WWOX: variants seen among roughly 807,000 people sequenced by gnomAD.
The protein encoded by WWOX is WW domain containing oxidoreductase.
Under a neutral mutation model 46.2 loss-of-function variants are expected in WWOX, and 69 were observed. The observed-to-expected ratio is 1.49, with a 90% CI of 1.23 to 1.82. WWOX has a LOEUF of 1.82. Ranked by LOEUF, WWOX falls within the 40% of genes most tolerant of loss-of-function variation. The pLI is 0.00. For missense variants in WWOX, 919 were observed against 542.6 expected (o/e 1.69, Z -6.89); for synonymous variants, 359 against 202.6 (o/e 1.77, Z -6.56).
chr16:78,855,388 A>G (rs941281206), intron 8 of WWOX, among the ~76,000 whole-genome samples: 7 of 150,626 alleles, frequency 4.6e-5, no homozygotes, highest in South Asian at 4.2e-4. Flanking sequence ...TGCGGGGAGG[A>G]AAAAAAAACA....
intron 8 of WWOX, among the ~76,000 whole-genome samples, chr16:78,652,324 A>G (rs12925312): frequency 6.7e-6 from 1 of 149,012 alleles, no homozygotes; most frequent in Non-Finnish European, 1.5e-5. Flanking sequence ...CAGGAGAATC[A>G]CTTGAACCCG....
At chr16:79,175,063 T>G (rs2050773895) in intron 8 of WWOX, among the ~76,000 whole-genome samples, 1 of 152,216 alleles carries the variant, frequency 6.6e-6, no homozygotes, top group African/African-American at 2.4e-5. Flanking sequence ...TCTCTGCCAG[T>G]ACAACCACAT....
chr16:78,138,656 CACACTG>C, intron 4 of WWOX, among the ~76,000 whole-genome samples: 1 of 152,300 alleles, frequency 6.6e-6, no homozygotes, highest in South Asian at 2.1e-4. Context: ...GGTCATAAAA[CACACTG>C]GGGACAGCCC....
chr16:78,675,319 G>A lies in WWOX; in HGVS notation c.1056+242567G>A, dbSNP rs573530103. Among the ~76,000 whole-genome samples, 12 of 152,246 alleles carry A rather than the reference G, an allele frequency of 7.9e-5. No individual in the cohort carries two copies. The South Asian group carries it at 2.3e-3, about 29-fold the overall frequency. On this transcript the variant is annotated intron_variant, in intron 8 of 8. Coordinates refer to ENST00000566780, the MANE Select transcript of WWOX (RefSeq NM_016373.4). ...ATTGAGACAAGAACCGTACACTGTA[G>A]TAAGATTAATGTAAAGATTTAAAAA...
intron 8 of WWOX, among the ~76,000 whole-genome samples, chr16:78,469,834 A>T (rs181243362): frequency 6.6e-6 from 1 of 152,330 alleles, no homozygotes; most frequent in East Asian, 1.9e-4. Context: ...CCTAGAGGTG[A>T]TCCTTTGGTT....
intron 8 of WWOX, among the ~76,000 whole-genome samples, chr16:79,019,261 T>A (rs2047482873): frequency 6.8e-6 from 1 of 146,584 alleles, no homozygotes; most frequent in Non-Finnish European, 1.5e-5. Context: ...GAGAAATGCA[T>A]GGTTAGGTGG....
At chr16:78,968,896 C>T (rs1325850957) in intron 8 of WWOX, among the ~76,000 whole-genome samples, 1 of 148,310 alleles carries the variant, frequency 6.7e-6, no homozygotes, top group Non-Finnish European at 1.5e-5. Flanking sequence ...AATACTTCTT[C>T]ATGGAGAAGG....
intron 8 of WWOX, among the ~76,000 whole-genome samples, chr16:78,539,863 GGGAAATT>G (rs1329090741): frequency 6.6e-5 from 10 of 152,106 alleles, no homozygotes; most frequent in African/African-American, 2.4e-4. Context: ...TACCTCTATT[GGGAAATT>G]TACTCTCTCT....
At chr16:79,062,882 A>G (rs2048379640) in intron 8 of WWOX, among the ~76,000 whole-genome samples, 1 of 152,206 alleles carries the variant, frequency 6.6e-6, no homozygotes, top group Non-Finnish European at 1.5e-5. Context: ...AAGTCAACTT[A>G]GACTCAATCC....
chr16:78,806,526 T>A (rs1554976), intron 8 of WWOX, among the ~76,000 whole-genome samples: 102,755 of 151,900 alleles, frequency 0.68, 35,879 homozygotes, highest in Middle Eastern at 0.84. Context: ...AGTCTGAGGA[T>A]TGATGCTGAC....
intron 8 of WWOX, among the ~76,000 whole-genome samples, chr16:78,953,429 C>A (rs1457103965): frequency 6.6e-6 from 1 of 152,052 alleles, no homozygotes; most frequent in Non-Finnish European, 1.5e-5. Flanking sequence ...AATTTGAAAC[C>A]TGTTCATCAA....
At chr16:79,056,561 T>C (rs1265316811) in intron 8 of WWOX, among the ~76,000 whole-genome samples, 3 of 152,218 alleles carry the variant, frequency 2.0e-5, no homozygotes, top group Admixed American at 2.0e-4. Context: ...TAATTTTTTG[T>C]TGGGATCTGC....
chr16:78,408,604 G>A (rs548978725), intron 6 of WWOX, among the ~76,000 whole-genome samples: 4 of 152,300 alleles, frequency 2.6e-5, no homozygotes, highest in Middle Eastern at 3.4e-3. Context: ...CCTGTCCTAC[G>A]TAGCTATCTA....
intron 8 of WWOX, among the ~76,000 whole-genome samples, chr16:79,043,154 G>C (rs1253407622): frequency 6.6e-6 from 1 of 152,122 alleles, no homozygotes; most frequent in Non-Finnish European, 1.5e-5. Flanking sequence ...TGCAGCTGAA[G>C]AGAAGAGAGA....
intron 8 of WWOX, among the ~76,000 whole-genome samples, chr16:79,195,964 C>G (rs1398998449): frequency 6.6e-6 from 1 of 152,152 alleles, no homozygotes; most frequent in African/African-American, 2.4e-5. Flanking sequence ...GTAAAGATGC[C>G]TTTGTTTAAA....
rs113407858 is a variant in WWOX, at chr16:78,162,752, TG to T, written c.410-1430del. ...ATGTATGTGTAAGAGCCTGGGAGAATGTGTTTCATATGTCTCTTTTGTGCTT... is the reference window on the plus strand; with the variant it reads ...ATGTATGTGTAAGAGCCTGGGAGAATTGTTTCATATGTCTCTTTTGTGCTT... On this transcript the variant is annotated intron_variant, in intron 4 of 8. Coordinates refer to ENST00000566780, the MANE Select transcript of WWOX (RefSeq NM_016373.4). Among the ~76,000 whole-genome samples the T allele has an allele frequency of 9.4e-3, 1,439 of 152,276 alleles. 13 individuals are homozygous for T. The highest frequency in any genetic ancestry group is 0.021 in the Middle Eastern group (6 of 292).
At chr16:79,050,153 T>A (rs2048139570) in intron 8 of WWOX, among the ~76,000 whole-genome samples, 1 of 152,160 alleles carries the variant, frequency 6.6e-6, no homozygotes. Flanking sequence ...AGTATTTACT[T>A]CTCACGTGTG....
At chr16:78,123,468 G>GTTT (rs1368575694) in intron 4 of WWOX, 1 of 51,836 alleles carries the variant, frequency 1.9e-5, no homozygotes, top group Non-Finnish European at 3.5e-5. Context: ...TTTTTTTTTT[G>GTTT]TTTTTTTGAG....
chr16:78,897,110 C>T (rs1254509299), intron 8 of WWOX: 1 of 151,156 alleles, frequency 6.6e-6, no homozygotes, highest in Non-Finnish European at 1.5e-5. Context: ...AATAGCTGGC[C>T]ATTGTGACAT....
Sources: allele counts gnomAD v4.1 joint callset (sites outside exome capture counted in the v4.1 genomes callset), GRCh38; gene constraint gnomAD v4.1.1; transcripts MANE v1.5; gene names NCBI Gene and HGNC (gene_info 2026-07-23, HGNC 2026-07-21).